The following CACNA1E variants were observed in gnomAD, a reference collection of about 807,000 sequenced individuals.
CACNA1E encodes the protein voltage-dependent R-type calcium channel subunit alpha-1E.
CACNA1E carries 40 observed loss-of-function variants against 259.2 expected under a neutral mutation model. The ratio of observed to expected loss-of-function variants is 0.15; its 90% confidence interval spans 0.12 to 0.20. The LOEUF (loss-of-function observed/expected upper bound fraction) is 0.20, where lower values mean the gene tolerates loss of function less well. CACNA1E is among the 10% of genes least tolerant of loss of function. The pLI is 1.00. For missense variants in CACNA1E, 1,874 were observed against 3,040.1 expected, an observed-to-expected ratio of 0.62 and a Z score of 9.02; for synonymous variants, 1,104 against 1,138.5, an observed-to-expected ratio of 0.97 and a Z score of 0.61.
At chr1:181,773,651 C>T (rs140074088) in intron 37 of CACNA1E, among the ~76,000 whole-genome samples, 9 of 152,318 alleles carry the variant, frequency 5.9e-5, no homozygotes, top group African/African-American at 2.2e-4. Context: ...CAGCAAGGCC[C>T]ATCCCTCAGT....
At chr1:181,698,444 C>T (rs796581350) in intron 7 of CACNA1E, among the ~76,000 whole-genome samples, 5 of 152,284 alleles carry the variant, frequency 3.3e-5, no homozygotes, top group African/African-American at 1.2e-4. Flanking sequence ...AGTGAAGTTG[C>T]AGTTTTTATC....
At chr1:181,639,611 C>T (rs998643642) in intron 6 of CACNA1E, among the ~76,000 whole-genome samples, 1 of 152,176 alleles carries the variant, frequency 6.6e-6, no homozygotes, top group Admixed American at 6.5e-5. Flanking sequence ...TCCTACATTC[C>T]ACCCTAATGA....
At chr1:181,733,298 G>C (rs1572735194) in intron 20 of CACNA1E, 139 bp from the exon 21 acceptor site, 1 of 820,120 alleles carries the variant, frequency 1.2e-6, no homozygotes, top group Non-Finnish European at 1.8e-6. Context: ...CTCTCTGCCT[G>C]TCTGGTTGGG....
intron 43 of CACNA1E, among the ~76,000 whole-genome samples, chr1:181,790,225 A>G (rs1185407300): frequency 6.6e-6 from 1 of 152,010 alleles, no homozygotes; most frequent in African/African-American, 2.4e-5. Flanking sequence ...AGCCCCCGGC[A>G]GAATAATGAA....
At chr1:181,641,268 A>T (rs1351479722) in intron 6 of CACNA1E, among the ~76,000 whole-genome samples, 1 of 152,174 alleles carries the variant, frequency 6.6e-6, no homozygotes, top group Admixed American at 6.5e-5. Flanking sequence ...GTATGAGAGG[A>T]CTTGTAATTG....
intron 34 of CACNA1E, among the ~76,000 whole-genome samples, chr1:181,763,867 A>C (rs913425501): frequency 6.3e-4 from 96 of 152,202 alleles, no homozygotes; most frequent in African/African-American, 2.2e-3. Flanking sequence ...AACCCCATCC[A>C]TGTAAAGAGC....
chr1:181,548,872 T>C (rs1647820457), intron 3 of CACNA1E, among the ~76,000 whole-genome samples: 1 of 152,224 alleles, frequency 6.6e-6, no homozygotes, highest in African/African-American at 2.4e-5. Context: ...TCAGCCCAGA[T>C]AATGAAGAGA....
At chr1:181,334,580 A>G (rs1651547189) in intron 1 of CACNA1E, among the ~76,000 whole-genome samples, 1 of 152,182 alleles carries the variant, frequency 6.6e-6, no homozygotes, top group African/African-American at 2.4e-5. Context: ...TGGCCAAAAA[A>G]TCTCAGCATC....
intron 32 of CACNA1E, among the ~76,000 whole-genome samples, chr1:181,761,496 G>A (rs976749507): frequency 5.3e-5 from 8 of 152,180 alleles, no homozygotes; most frequent in African/African-American, 1.9e-4. Context: ...GTATACTTCT[G>A]CAGTGCTCTG....
At chr1:181,764,630 GTGTT>G (rs1658873000) in intron 34 of CACNA1E, among the ~76,000 whole-genome samples, 1 of 152,182 alleles carries the variant, frequency 6.6e-6, no homozygotes, top group Admixed American at 6.5e-5. Flanking sequence ...TCCAGAGAAA[GTGTT>G]TGGCGTAATG....
chr1:181,768,718 C>T (rs1185709766), intron 35 of CACNA1E, among the ~76,000 whole-genome samples: 2 of 152,226 alleles, frequency 1.3e-5, no homozygotes, highest in African/African-American at 4.8e-5. Flanking sequence ...TCCACAGAGA[C>T]ATGAATGACA....
chr1:181,578,381 C>A (rs2102970906), intron 4 of CACNA1E, among the ~76,000 whole-genome samples: 2 of 152,122 alleles, frequency 1.3e-5, no homozygotes, highest in Middle Eastern at 6.8e-3. Flanking sequence ...ATGGTGAAAC[C>A]CCATCTCCAC....
intron 2 of CACNA1E, among the ~76,000 whole-genome samples, chr1:181,437,140 G>C (rs546640846): frequency 6.6e-6 from 1 of 152,322 alleles, no homozygotes; most frequent in South Asian, 2.1e-4. Context: ...TCTCTGACAT[G>C]TGGTCACCCT....
chr1:181,516,343 CCACA>C (rs3080529), intron 3 of CACNA1E, among the ~76,000 whole-genome samples: 32,540 of 143,102 alleles, frequency 0.23, 3,766 homozygotes, highest in South Asian at 0.37. Context: ...GTGCCAAAGA[CCACA>C]CACACACACA....
chr1:181,420,582 C>T (rs529964626), intron 2 of CACNA1E, among the ~76,000 whole-genome samples: 45 of 152,168 alleles, frequency 3.0e-4, no homozygotes, highest in Admixed American at 7.8e-4. Flanking sequence ...AAATGAGCTC[C>T]GAAGTTAGAG....
chr1:181,709,299 T>C (rs1437476142), intron 7 of CACNA1E, among the ~76,000 whole-genome samples: 1 of 152,196 alleles, frequency 6.6e-6, no homozygotes, highest in Non-Finnish European at 1.5e-5. Flanking sequence ...ATTTTGACTC[T>C]TTCCTTCCCT....
chr1:181,583,560 A>G (rs1237798358), intron 6 of CACNA1E, among the ~76,000 whole-genome samples: 1 of 152,190 alleles, frequency 6.6e-6, no homozygotes, highest in East Asian at 1.9e-4. Flanking sequence ...ACCTTTTTAT[A>G]TGCAATGTAA....
At chr1:181,763,645 A>G in intron 34 of CACNA1E, 114 bp downstream of exon 34, 1 of 727,370 alleles carries the variant, frequency 1.4e-6, no homozygotes, top group Non-Finnish European at 2.0e-6. Flanking sequence ...AGCTAGTAGA[A>G]CGGGTGTTTG....
At chr1:181,332,593 T>A (rs1040191226) in intron 1 of CACNA1E, among the ~76,000 whole-genome samples, 3 of 152,232 alleles carry the variant, frequency 2.0e-5, no homozygotes, top group African/African-American at 7.2e-5. Context: ...TTGAATAATT[T>A]TAATTCTTAT....
Sources: allele counts gnomAD v4.1 joint callset (sites outside exome capture counted in the v4.1 genomes callset), GRCh38; gene constraint gnomAD v4.1.1; transcripts MANE v1.5; gene names NCBI Gene and HGNC (gene_info 2026-07-23, HGNC 2026-07-21).